The following TNRC6A variants were observed in gnomAD, a reference collection of about 807,000 sequenced individuals.
TNRC6A encodes the protein trinucleotide repeat-containing gene 6A protein.
TNRC6A carries 44 observed loss-of-function variants against 221.2 expected under a neutral mutation model. The ratio of observed to expected loss-of-function variants is 0.20; its 90% CI spans 0.16 to 0.26. The LOEUF is 0.26. TNRC6A is among the 10% of genes least tolerant of loss of function. The probability of loss-of-function intolerance (pLI) is 1.00; values close to 1 mark genes in which losing one functional copy is unlikely to be tolerated. For synonymous variants in TNRC6A, 847 were observed against 838.5 expected (o/e 1.01, Z -0.18); for missense variants, 2,199 against 2,404.4 (o/e 0.91, Z 1.79).
At position 24,750,765 on chromosome 16, in the gene TNRC6A, GAA is replaced by G; in HGVS notation, c.97_98del (p.Lys33GlufsTer17). On this transcript the variant is annotated frameshift_variant, in exon 3 of 25. Coordinates refer to ENST00000395799, the MANE Select transcript of TNRC6A (RefSeq NM_014494.4). LOFTEE classifies it high-confidence loss of function. Reference protein sequence around the residue: ...QEEEQLMEEKKKKKDDKKKKE... With the variant: ...QEEEQLMEEKXKKKDDKKKKE... ...AAGAAGAACAGTTGATGGAAGAAAA[GAA>G]AAAGAAAAAAGACGACAAGAAAAAG... 1.3e-6 allele frequency: 2 copies of G among 1,565,140 alleles called. No individual in the cohort carries two copies. Among genetic ancestry groups the G allele is most frequent in the Non-Finnish European group, 1.7e-6 (2 of 1,159,098 alleles).
chr16:24,777,405 C>A, intron 5 of TNRC6A, 47 bp downstream of exon 5: 1 of 1,545,006 alleles, frequency 6.5e-7, no homozygotes, highest in South Asian at 1.2e-5. Context: ...TCATCATTAG[C>A]TGTATAGCAA....
intron 2 of TNRC6A, among the ~76,000 whole-genome samples, chr16:24,674,559 G>A (rs1182147008): frequency 6.6e-6 from 1 of 152,166 alleles, no homozygotes; most frequent in African/African-American, 2.4e-5. Flanking sequence ...TTAGGTGAAA[G>A]TGGGCCATCC....
At chr16:24,657,912 T>G (rs940461717) in intron 2 of TNRC6A, among the ~76,000 whole-genome samples, 13 of 152,148 alleles carry the variant, frequency 8.5e-5, no homozygotes, top group Admixed American at 7.2e-4. Context: ...ATTTCCTACA[T>G]TCCTAAAATA....
At chr16:24,814,416 T>TC (rs71156442) in intron 18 of TNRC6A, among the ~76,000 whole-genome samples, 37 of 133,700 alleles carry the variant, frequency 2.8e-4, no homozygotes, top group African/African-American at 8.5e-4. Flanking sequence ...TTTCTTTTTT[T>TC]TTTTTTTTTT....
At chr16:24,688,244 A>G (rs917366668) in intron 2 of TNRC6A, among the ~76,000 whole-genome samples, 1 of 151,928 alleles carries the variant, frequency 6.6e-6, no homozygotes, top group Non-Finnish European at 1.5e-5. Flanking sequence ...CAGCCTGGAC[A>G]TGCTTCTTTT....
intron 4 of TNRC6A, among the ~76,000 whole-genome samples, chr16:24,771,228 G>A (rs576543862): frequency 2.6e-5 from 4 of 152,238 alleles, no homozygotes; most frequent in Non-Finnish European, 4.4e-5. Flanking sequence ...TATGGTAAAT[G>A]TATATACAAC....
At chr16:24,781,649 A>G (rs2057848962) in intron 5 of TNRC6A, among the ~76,000 whole-genome samples, 1 of 152,028 alleles carries the variant, frequency 6.6e-6, no homozygotes, top group African/African-American at 2.4e-5. Flanking sequence ...CAGTATGTCC[A>G]AACTTGAACT....
At chr16:24,813,200 G>C (rs1331553071) in intron 18 of TNRC6A, among the ~76,000 whole-genome samples, 2 of 152,106 alleles carry the variant, frequency 1.3e-5, no homozygotes, top group East Asian at 3.9e-4. Context: ...GATTCAGGGG[G>C]TACAAGTTCA....
In TNRC6A at chr16:24,805,753, T is replaced by G. The variant is rs2058418182; in HGVS notation, c.4251+20T>G. The stretch of plus-strand genomic sequence containing the variant: ...TTACAGGTAAGCAGAGTCATAGTCT[T>G]TCTTAGTACACATTTATGGAGCATC... On this transcript the variant is annotated intron_variant, in intron 15 of 24. Transcript: ENST00000395799. 1 of 1,613,988 alleles carries G rather than the reference T, an allele frequency of 6.2e-7. No homozygotes were observed. Among genetic ancestry groups the G allele is most frequent in the African/African-American group, 1.3e-5 (1 of 74,928 alleles).
intron 2 of TNRC6A, among the ~76,000 whole-genome samples, chr16:24,714,317 T>C (rs2056269252): frequency 7.1e-6 from 1 of 140,454 alleles, no homozygotes; most frequent in South Asian, 2.4e-4. Flanking sequence ...TTTTTTTTTT[T>C]TTTTTTTTTG....
chr16:24,747,101 T>C (rs2057029143), intron 2 of TNRC6A, among the ~76,000 whole-genome samples: 1 of 152,116 alleles, frequency 6.6e-6, no homozygotes, highest in African/African-American at 2.4e-5. Context: ...GATCTATTTG[T>C]TTTTTCAGAT....
chr16:24,669,843 G>A (rs181102998), intron 2 of TNRC6A, among the ~76,000 whole-genome samples: 3 of 150,300 alleles, frequency 2.0e-5, no homozygotes, highest in Non-Finnish European at 1.5e-5. Flanking sequence ...AGTAATAATA[G>A]CAACCATTTA....
intron 10 of TNRC6A, 121 bp downstream of exon 10, chr16:24,797,691 G>C: frequency 1.0e-6 from 1 of 954,030 alleles, no homozygotes; most frequent in Non-Finnish European, 1.5e-6. Context: ...CTTGATGTTA[G>C]AGTAAAATCG....
chr16:24,621,449 C>T (rs1297712074), intron 1 of TNRC6A, among the ~76,000 whole-genome samples: 1 of 150,842 alleles, frequency 6.6e-6, no homozygotes, highest in Non-Finnish European at 1.5e-5. Flanking sequence ...AACTCCGCCT[C>T]CCAGGTTCAA....
chr16:24,660,734 T>C (rs1482044713), intron 2 of TNRC6A, among the ~76,000 whole-genome samples: 3 of 134,334 alleles, frequency 2.2e-5, no homozygotes, highest in African/African-American at 9.1e-5. Context: ...TTTTCTTTTT[T>C]TTTTCTTTTT....
In TNRC6A at chr16:24,757,160, C is replaced by T. The variant is rs901471961; in HGVS notation, c.142-1179C>T. Among the ~76,000 whole-genome samples, 16 of 151,878 alleles carry T rather than the reference C, an allele frequency of 1.1e-4. No individual in the cohort carries two copies. The South Asian group carries it at 1.5e-3, about 14-fold the overall frequency. The stretch of plus-strand genomic sequence containing the variant: ...TTTTTTTTTCATTTAAATTTTGATC[C>T]ATAGAGTAAAAGATGAGCCTCCATT... On this transcript the variant is annotated intron_variant, in intron 3 of 24. Coordinates refer to ENST00000395799, the MANE Select transcript of TNRC6A (RefSeq NM_014494.4).
At chr16:24,635,107 CTTTA>C (rs1208858012) in intron 1 of TNRC6A, among the ~76,000 whole-genome samples, 8 of 139,774 alleles carry the variant, frequency 5.7e-5, no homozygotes, top group South Asian at 2.3e-4. Flanking sequence ...TTCTTTCTTT[CTTTA>C]TTTCTTTTCT....
At chr16:24,683,093 A>G (rs1328417765) in intron 2 of TNRC6A, among the ~76,000 whole-genome samples, 2 of 152,312 alleles carry the variant, frequency 1.3e-5, no homozygotes, top group South Asian at 2.1e-4. Flanking sequence ...AGGAGACCCC[A>G]TGACGAGCAC....
chr16:24,699,633 C>A (rs559637915), intron 2 of TNRC6A, among the ~76,000 whole-genome samples: 2 of 151,362 alleles, frequency 1.3e-5, no homozygotes, highest in Non-Finnish European at 2.9e-5. Flanking sequence ...GTGGGAGAAT[C>A]GCCTAAGGTT....
Sources: gnomAD v4.1 joint callset for allele counts (sites outside exome capture counted in the v4.1 genomes callset) on GRCh38, gnomAD v4.1.1 for gene constraint, MANE v1.5 for transcripts, NCBI Gene and HGNC (gene_info 2026-07-23, HGNC 2026-07-21) for gene names.